KIF27: variants seen among roughly 807,000 people sequenced by gnomAD.
KIF27 encodes the protein kinesin family member 27.
KIF27 carries 84 observed loss-of-function variants against 141.8 expected under a neutral mutation model. The ratio of observed to expected loss-of-function variants is 0.59; its 90% confidence interval spans 0.50 to 0.71. The LOEUF (loss-of-function observed/expected upper bound fraction) is 0.71, where lower values mean the gene tolerates loss of function less well. Ranked by LOEUF, KIF27 falls within the 30% of genes least tolerant of loss-of-function variation. KIF27 has a pLI of 0.00. For missense variants in KIF27, 1,306 were observed against 1,628.4 expected (o/e 0.80, Z 3.41); for synonymous variants, 471 against 569.5 (o/e 0.83, Z 2.46).
At chr9:83,916,260 G>A (rs10868070) in intron 1 of KIF27, among the ~76,000 whole-genome samples, 48,551 of 151,846 alleles carry the variant, frequency 0.32, 8,361 homozygotes, top group African/African-American at 0.46. Flanking sequence ...CTCAAGCTCC[G>A]AACCTCAGGT....
rs1211878497 is a variant in KIF27 at position 83,888,600 on chromosome 9, A to C, written c.1980-8T>G. On this transcript the variant is annotated splice_polypyrimidine_tract_variant and splice_region_variant and intron_variant, in intron 7 of 17. Transcript: ENST00000297814. ...CATGAACGACTTCTACATCTTAAAAAAAAATCAGAAAGTTAACTTATTTGT... is the reference window on the plus strand; with the variant it reads ...CATGAACGACTTCTACATCTTAAAACAAAATCAGAAAGTTAACTTATTTGT... 6.7e-7 allele frequency: 1 copy of C among 1,496,780 alleles called. No individual in the cohort carries two copies. Among genetic ancestry groups the C allele is most frequent in the South Asian group, 1.2e-5 (1 of 82,152 alleles). 92.7% of individuals were successfully genotyped at this position (1,496,780 alleles called of 1,614,324 possible).
chr9:83,841,889 C>T (rs1242621927), intron 17 of KIF27, among the ~76,000 whole-genome samples: 1 of 151,964 alleles, frequency 6.6e-6, no homozygotes, highest in Non-Finnish European at 1.5e-5. Flanking sequence ...TCTTACCTAC[C>T]ATACATCTTT....
chr9:83,887,268 A>G (rs1445750162), intron 8 of KIF27, 72 bp from the exon 9 acceptor site: 6 of 1,062,002 alleles, frequency 5.6e-6, no homozygotes, highest in Non-Finnish European at 7.7e-6. Flanking sequence ...TAAAAAAAGA[A>G]AAGCAGACTC....
intron 13 of KIF27, among the ~76,000 whole-genome samples, chr9:83,862,887 T>G (rs1354794081): frequency 6.6e-6 from 1 of 152,220 alleles, no homozygotes; most frequent in Non-Finnish European, 1.5e-5. Flanking sequence ...AAGAGATCCT[T>G]CACATCCCTG....
intron 2 of KIF27, among the ~76,000 whole-genome samples, chr9:83,909,654 A>G (rs1954941289): frequency 6.6e-6 from 1 of 152,082 alleles, no homozygotes; most frequent in African/African-American, 2.4e-5. Flanking sequence ...ATATATTTGA[A>G]AAGTCCCAGG....
At chr9:83,911,858 G>T (rs145039830) in intron 2 of KIF27, among the ~76,000 whole-genome samples, 107 of 152,256 alleles carry the variant, frequency 7.0e-4, no homozygotes, top group African/African-American at 2.4e-3. Context: ...CCTAGAATAG[G>T]CAAACTAAAA....
intron 11 of KIF27, among the ~76,000 whole-genome samples, chr9:83,870,962 G>A (rs1185253976): frequency 6.6e-6 from 1 of 152,040 alleles, no homozygotes; most frequent in Non-Finnish European, 1.5e-5. Flanking sequence ...CTAGACTAGA[G>A]TGCAATGGCG....
chr9:83,903,774 T>C lies in KIF27; in HGVS notation c.744A>G (p.Ser248=). Reference sequence around the variant, plus strand: ...TATTCCCCGTTTTGGTTACTCTTTCTGATCCTGCCAAATCCACAAAGTGGA... The same window carrying C: ...TATTCCCCGTTTTGGTTACTCTTTCCGATCCTGCCAAATCCACAAAGTGGA... The part of the protein sequence containing the change: ...SKFHFVDLAG[S]ERVTKTGNTG... The change falls in exon 4 of 18, where the codon TCA becomes TCG. Residue 248 remains serine, a synonymous_variant. Transcript: ENST00000297814. 1.2e-6 allele frequency: 2 copies of C among 1,614,252 alleles called. No homozygotes were observed. The highest frequency in any genetic ancestry group is 1.7e-6 in the Non-Finnish European group (2 of 1,180,046).
intron 3 of KIF27, among the ~76,000 whole-genome samples, chr9:83,905,237 G>A (rs1184741307): frequency 6.6e-6 from 1 of 151,844 alleles, no homozygotes; most frequent in African/African-American, 2.4e-5. Context: ...TCCTGCCTCA[G>A]CCTCCTGAGT....
intron 15 of KIF27, among the ~76,000 whole-genome samples, chr9:83,850,509 G>T (rs1296042449): frequency 6.6e-6 from 1 of 152,160 alleles, no homozygotes; most frequent in Admixed American, 6.5e-5. Context: ...GCCAGGCACA[G>T]TGGCTCACGC....
At chr9:83,873,372 A>G (rs1950951270) in intron 11 of KIF27, among the ~76,000 whole-genome samples, 4 of 152,222 alleles carry the variant, frequency 2.6e-5, no homozygotes, top group Admixed American at 2.6e-4. Flanking sequence ...GGAGGCTAAG[A>G]GACTGAGCCT....
chr9:83,890,417 T>C (rs1402439349), intron 6 of KIF27, among the ~76,000 whole-genome samples: 3 of 152,220 alleles, frequency 2.0e-5, no homozygotes, highest in Non-Finnish European at 4.4e-5. Context: ...TTTTATCCCA[T>C]AACTGGCAGG....
intron 2 of KIF27, among the ~76,000 whole-genome samples, 186 bp from the exon 3 acceptor site, chr9:83,908,838 CA>C (rs1954850635): frequency 6.6e-6 from 1 of 151,874 alleles, no homozygotes; most frequent in African/African-American, 2.4e-5. Flanking sequence ...CAGCTCACTG[CA>C]ACCTCCGACT....
chr9:83,904,971 C>T (rs746092127), intron 3 of KIF27, among the ~76,000 whole-genome samples: 10 of 150,874 alleles, frequency 6.6e-5, no homozygotes, highest in Non-Finnish European at 7.4e-5. Context: ...GCAAGGTAAA[C>T]AGATGAGATG....
intron 3 of KIF27, among the ~76,000 whole-genome samples, chr9:83,905,705 A>C (rs1954449711): frequency 6.6e-6 from 1 of 152,212 alleles, no homozygotes; most frequent in Non-Finnish European, 1.5e-5. Flanking sequence ...TCCAGATGCA[A>C]ATCACCTGGT....
Position 83,867,738 on chromosome 9 carries a change from C to T in KIF27, c.2880G>A (p.Glu960=). 6.2e-7 allele frequency: 1 copy of T among 1,611,994 alleles called. No homozygotes were observed. Among genetic ancestry groups the T allele is most frequent in the East Asian group, 2.2e-5 (1 of 44,856 alleles). The part of the protein sequence containing the change: ...KKREAIVSKK[E]ALLQEKSHLE... Reference sequence around the variant, plus strand: ...GGTGACTCTTCTCCTGTAACAGAGCCTCCTTCTTAGAAACTATGGCCTCCC... The same window carrying T: ...GGTGACTCTTCTCCTGTAACAGAGCTTCCTTCTTAGAAACTATGGCCTCCC... The change falls in exon 13 of 18, where the codon GAG becomes GAA. Residue 960 remains glutamate (E), a synonymous_variant. Transcript: ENST00000297814.
Position 83,889,171 on chromosome 9 carries a change from A to G in KIF27, c.1892T>C (p.Ile631Thr). ...RTRSQMLLGH[I>T]EEQDKVLHCQ... ...GTGGAGGACCTTATCTTGTTCTTCTATGTGACCCAACAGCATCTGACTTCG... is the reference window on the plus strand; with the variant it reads ...GTGGAGGACCTTATCTTGTTCTTCTGTGTGACCCAACAGCATCTGACTTCG... Residue 631 changes from isoleucine (I) to threonine (T), a missense_variant, in exon 7 of 18, where the codon ATA becomes ACA. Physicochemically the swap from Ile to Thr is moderately conservative, Grantham distance 89. Coordinates refer to ENST00000297814, the MANE Select transcript of KIF27 (RefSeq NM_017576.4). 6.2e-7 allele frequency: 1 copy of G among 1,613,972 alleles called. No individual in the cohort carries two copies. The highest frequency in any genetic ancestry group is 8.5e-7 in the Non-Finnish European group (1 of 1,179,926).
At chr9:83,854,801 T>G (rs538335360) in intron 14 of KIF27, among the ~76,000 whole-genome samples, 2 of 152,338 alleles carry the variant, frequency 1.3e-5, no homozygotes, top group African/African-American at 4.8e-5. Context: ...TATGTTTCCA[T>G]ATACCCATAC....
At chr9:83,869,322 A>G (rs1288842503) in intron 12 of KIF27, among the ~76,000 whole-genome samples, 25 of 152,096 alleles carry the variant, frequency 1.6e-4, no homozygotes, top group Non-Finnish European at 5.9e-5. Flanking sequence ...GAACTTCAAA[A>G]TTAGTTTGTG....
Sources: gnomAD v4.1 joint callset for allele counts (sites outside exome capture counted in the v4.1 genomes callset) on GRCh38, gnomAD v4.1.1 for gene constraint, MANE v1.5 for transcripts, NCBI Gene and HGNC (gene_info 2026-07-23, HGNC 2026-07-21) for gene names.